Variants in GPHN observed in about 807,000 individuals in gnomAD.
The protein encoded by GPHN is gephyrin.
In GPHN, 17 loss-of-function variants were observed where a neutral mutation model predicts 95.5. The observed-to-expected ratio is 0.18, with a 90% confidence interval of 0.12 to 0.27. The LOEUF is 0.27. Among genes scored for constraint, GPHN ranks in the 10% least tolerant of loss-of-function variants. GPHN has a pLI of 1.00. For synonymous variants in GPHN, 320 were observed against 322.5 expected (o/e 0.99, Z 0.08); for missense variants, 660 against 978.1 (o/e 0.67, Z 4.34).
chr14:67,416,355 G>A, the GPHN span, among the ~76,000 whole-genome samples: 2 of 152,188 alleles, frequency 1.3e-5, no homozygotes, highest in Non-Finnish European at 2.9e-5. Flanking sequence ...TCAGAACTGA[G>A]AAGTTGCTGG....
chr14:66,936,062 C>G (rs570092488), intron 8 of GPHN, among the ~76,000 whole-genome samples: 1 of 152,162 alleles, frequency 6.6e-6, no homozygotes, highest in Non-Finnish European at 1.5e-5. Context: ...AGGTGACAAA[C>G]TAATTATAAA....
chr14:67,193,744 A>C, the GPHN span, among the ~76,000 whole-genome samples: 3 of 148,172 alleles, frequency 2.0e-5, no homozygotes, highest in Admixed American at 2.0e-4. Context: ...GGAGTTTGAG[A>C]CCAGCCTGGG....
chr14:67,211,331 T>A, the GPHN span, among the ~76,000 whole-genome samples: 1 of 152,160 alleles, frequency 6.6e-6, no homozygotes, highest in Non-Finnish European at 1.5e-5. Flanking sequence ...TAATGTAGAT[T>A]TGACTCACAT....
At chr14:67,438,528 G>A in the GPHN span, among the ~76,000 whole-genome samples, 2 of 152,158 alleles carry the variant, frequency 1.3e-5, no homozygotes, top group African/African-American at 4.8e-5. Context: ...TGTGAAACAG[G>A]AATAATAACC....
the GPHN span, among the ~76,000 whole-genome samples, chr14:67,609,108 T>A: frequency 2.6e-5 from 4 of 152,144 alleles, no homozygotes; most frequent in South Asian, 8.3e-4. Context: ...GGCATTCCCA[T>A]GAAGCTCCTT....
chr14:67,362,432 A>G, the GPHN span, among the ~76,000 whole-genome samples: 1 of 152,200 alleles, frequency 6.6e-6, no homozygotes, highest in Non-Finnish European at 1.5e-5. Context: ...TTCTTTCAAT[A>G]TTTTATGTTT....
At chr14:67,393,813 A>G in the GPHN span, among the ~76,000 whole-genome samples, 1 of 152,172 alleles carries the variant, frequency 6.6e-6, no homozygotes, top group Non-Finnish European at 1.5e-5. Flanking sequence ...CTCACCCCTC[A>G]TAAAGATGTT....
intron 9 of GPHN, among the ~76,000 whole-genome samples, chr14:67,009,336 T>C (rs1396948110): frequency 6.6e-6 from 1 of 152,192 alleles, no homozygotes; most frequent in Non-Finnish European, 1.5e-5. Context: ...TCTAGGCAAG[T>C]AGCTCACAGG....
intron 12 of GPHN, among the ~76,000 whole-genome samples, chr14:67,095,594 CA>C (rs201725887): frequency 0.014 from 2,163 of 152,196 alleles, 55 homozygotes; most frequent in Admixed American, 0.058. Context: ...GAATACTATG[CA>C]GCCATAAAAA....
chr14:66,538,430 C>T (rs2059221036), intron 1 of GPHN, among the ~76,000 whole-genome samples: 1 of 151,010 alleles, frequency 6.6e-6, no homozygotes, highest in African/African-American at 2.4e-5. Flanking sequence ...TTTTGACTGT[C>T]CCACATGTCT....
At chr14:66,889,549 G>T (rs2064365660) in intron 5 of GPHN, among the ~76,000 whole-genome samples, 1 of 152,008 alleles carries the variant, frequency 6.6e-6, no homozygotes, top group African/African-American at 2.4e-5. Context: ...AGGGAAATTA[G>T]AAAATATTTA....
chr14:67,563,473 G>C, the GPHN span, among the ~76,000 whole-genome samples: 1 of 151,850 alleles, frequency 6.6e-6, no homozygotes, highest in African/African-American at 2.4e-5. Flanking sequence ...CACTCTTACT[G>C]CCCAGGCTGG....
At chr14:66,899,122 C>CT (rs149566081) in intron 5 of GPHN, among the ~76,000 whole-genome samples, 1,320 of 130,776 alleles carry the variant, frequency 0.01, 10 homozygotes, top group Middle Eastern at 0.02. Context: ...AGGGCTTTTT[C>CT]TTTTTTTTTT....
At chr14:67,622,800 T>C in the GPHN span, among the ~76,000 whole-genome samples, 1 of 152,250 alleles carries the variant, frequency 6.6e-6, no homozygotes, top group Non-Finnish European at 1.5e-5. Flanking sequence ...GGTTCTGCCT[T>C]AAGAGATTCC....
chr14:67,664,519 CAG>C, the GPHN span, among the ~76,000 whole-genome samples: 286 of 147,844 alleles, frequency 1.9e-3, no homozygotes, highest in African/African-American at 7.0e-3. Context: ...TTTCTTGAGA[CAG>C]AGTCTTGCTC....
chr14:67,679,993 G>C, the GPHN span, among the ~76,000 whole-genome samples: 1 of 152,180 alleles, frequency 6.6e-6, no homozygotes, highest in Non-Finnish European at 1.5e-5. Flanking sequence ...ACTATGTCAA[G>C]TAAGACAGTG....
intron 6 of GPHN, among the ~76,000 whole-genome samples, chr14:66,918,122 T>C (rs1421009197): frequency 1.3e-5 from 2 of 152,192 alleles, no homozygotes; most frequent in African/African-American, 4.8e-5. Context: ...TTATTGTTCA[T>C]TGCAAGGAAA....
At chr14:67,142,321 A>G (rs956071805) in intron 17 of GPHN, among the ~76,000 whole-genome samples, 1 of 152,190 alleles carries the variant, frequency 6.6e-6, no homozygotes, top group African/African-American at 2.4e-5. Flanking sequence ...TAACTAAACA[A>G]TCCCTTTCAA....
intron 13 of GPHN, among the ~76,000 whole-genome samples, chr14:67,103,838 T>C (rs1440253707): frequency 6.6e-6 from 1 of 152,166 alleles, no homozygotes; most frequent in Non-Finnish European, 1.5e-5. Flanking sequence ...GACTTCCTCT[T>C]TTCCCCTTTG....
Sources: gnomAD v4.1 joint callset for allele counts (sites outside exome capture counted in the v4.1 genomes callset) on GRCh38, gnomAD v4.1.1 for gene constraint, MANE v1.5 for transcripts, NCBI Gene and HGNC (gene_info 2026-07-23, HGNC 2026-07-21) for gene names.